PABPC4L: variants seen among roughly 807,000 people sequenced by gnomAD.
PABPC4L encodes poly(A) binding protein cytoplasmic 4 like.
For synonymous variants in PABPC4L, 169 were observed against 164.1 expected, an observed-to-expected ratio of 1.03 and a Z score of -0.23; for missense variants, 452 against 451.4, an observed-to-expected ratio of 1.00 and a Z score of -0.01.
chr4:134,119,302 T>C, the PABPC4L span, among the ~76,000 whole-genome samples: 1 of 151,754 alleles, frequency 6.6e-6, no homozygotes, highest in African/African-American at 2.4e-5. Flanking sequence ...ATTTAAAACA[T>C]GTTTTCTGAC....
At chr4:134,127,721 T>C in the PABPC4L span, among the ~76,000 whole-genome samples, 8 of 152,072 alleles carry the variant, frequency 5.3e-5, no homozygotes, top group Non-Finnish European at 7.4e-5. Context: ...AAAACGATTC[T>C]GGTAATATGA....
chr4:133,966,142 T>C, the PABPC4L span, among the ~76,000 whole-genome samples: 1 of 151,932 alleles, frequency 6.6e-6, no homozygotes, highest in African/African-American at 2.4e-5. Context: ...CATCAAAAAG[T>C]GGGCTAGGGA....
At chr4:134,052,080 A>G in the PABPC4L span, among the ~76,000 whole-genome samples, 2 of 152,070 alleles carry the variant, frequency 1.3e-5, no homozygotes, top group African/African-American at 4.8e-5. Context: ...CTGTGGCACC[A>G]TGGATATAGG....
the PABPC4L span, among the ~76,000 whole-genome samples, chr4:134,190,915 G>T: frequency 1.3e-5 from 2 of 152,104 alleles, no homozygotes; most frequent in Non-Finnish European, 2.9e-5. Context: ...GCCTCCCAAT[G>T]TGCTGGGATT....
chr4:133,969,256 G>C, the PABPC4L span, among the ~76,000 whole-genome samples: 9 of 152,176 alleles, frequency 5.9e-5, no homozygotes, highest in Non-Finnish European at 1.2e-4. Flanking sequence ...TACCACCACT[G>C]AGTGGTTTTT....
the PABPC4L span, among the ~76,000 whole-genome samples, chr4:134,018,506 C>T: frequency 2.1e-3 from 322 of 152,292 alleles, 1 homozygote; most frequent in African/African-American, 7.3e-3. Flanking sequence ...TGCTCACCCT[C>T]TTACCTCCAC....
chr4:133,985,780 A>G, the PABPC4L span, among the ~76,000 whole-genome samples: 3 of 152,030 alleles, frequency 2.0e-5, no homozygotes, highest in Non-Finnish European at 4.4e-5. Flanking sequence ...GAATCCCAAA[A>G]CATTGAAAGT....
chr4:134,048,181 T>C, the PABPC4L span, among the ~76,000 whole-genome samples: 2 of 152,264 alleles, frequency 1.3e-5, no homozygotes, highest in East Asian at 3.9e-4. Flanking sequence ...GTATAGAATG[T>C]AAATTTAATA....
At chr4:134,064,792 T>C in the PABPC4L span, among the ~76,000 whole-genome samples, 7 of 152,168 alleles carry the variant, frequency 4.6e-5, no homozygotes, top group Admixed American at 3.9e-4. Flanking sequence ...GTTGCTTCCT[T>C]CTTTGTGTCC....
chr4:134,084,491 GA>G, the PABPC4L span, among the ~76,000 whole-genome samples: 1 of 151,756 alleles, frequency 6.6e-6, no homozygotes, highest in Non-Finnish European at 1.5e-5. Flanking sequence ...CAAATTGATG[GA>G]TTTTTTTTTA....
the PABPC4L span, among the ~76,000 whole-genome samples, chr4:134,164,262 C>CAAAAAA: frequency 1.2e-3 from 42 of 34,184 alleles, 1 homozygote; most frequent in African/African-American, 1.4e-3. Context: ...GACTCCGTCT[C>CAAAAAA]AAAAAAAAAA....
the PABPC4L span, among the ~76,000 whole-genome samples, chr4:134,076,340 C>T: frequency 6.6e-6 from 1 of 152,036 alleles, no homozygotes; most frequent in Non-Finnish European, 1.5e-5. Context: ...GTGGGAGGTG[C>T]CTTCAAAGTG....
At chr4:134,157,752 C>T in the PABPC4L span, among the ~76,000 whole-genome samples, 1 of 151,720 alleles carries the variant, frequency 6.6e-6, no homozygotes, top group Non-Finnish European at 1.5e-5. Context: ...ATTTTTATCA[C>T]TTTTTAATGT....
chr4:133,952,775 C>T, the PABPC4L span, among the ~76,000 whole-genome samples: 5 of 152,036 alleles, frequency 3.3e-5, no homozygotes, highest in Non-Finnish European at 2.9e-5. Context: ...ACTCCTAATC[C>T]TAAACCTAAT....
At chr4:133,989,958 G>A in the PABPC4L span, among the ~76,000 whole-genome samples, 3 of 151,982 alleles carry the variant, frequency 2.0e-5, no homozygotes, top group African/African-American at 4.8e-5. Context: ...GAGTGTGGGT[G>A]GAAGCCCTTT....
At chr4:134,087,496 G>A in the PABPC4L span, among the ~76,000 whole-genome samples, 4 of 152,098 alleles carry the variant, frequency 2.6e-5, no homozygotes, top group Non-Finnish European at 4.4e-5. Context: ...AATTATAAAG[G>A]TTTTACATGG....
the PABPC4L span, among the ~76,000 whole-genome samples, chr4:134,136,365 T>C: frequency 1.2e-4 from 19 of 152,268 alleles, no homozygotes; most frequent in Admixed American, 9.2e-4. Flanking sequence ...CTTTGTCACA[T>C]TGTCTTCTGA....
At chr4:133,954,317 C>A in the PABPC4L span, among the ~76,000 whole-genome samples, 3 of 152,126 alleles carry the variant, frequency 2.0e-5, no homozygotes, top group African/African-American at 7.2e-5. Context: ...TAAGGGGGAA[C>A]ATGGGGACGA....
chr4:134,092,320 G>T, the PABPC4L span, among the ~76,000 whole-genome samples: 2 of 152,000 alleles, frequency 1.3e-5, no homozygotes, highest in African/African-American at 2.4e-5. Context: ...GAGAGTAAGT[G>T]CCTGAATGTC....
Sources: allele counts gnomAD v4.1 joint callset (sites outside exome capture counted in the v4.1 genomes callset), GRCh38; gene constraint gnomAD v4.1.1; transcripts MANE v1.5; gene names NCBI Gene and HGNC (gene_info 2026-07-23, HGNC 2026-07-21).